Variants in FKBP8 observed in about 807,000 individuals in gnomAD.
FKBP8 encodes the protein peptidyl-prolyl cis-trans isomerase FKBP8.
In FKBP8, 5 loss-of-function variants were observed where a neutral mutation model predicts 41.7. The ratio of observed to expected loss-of-function variants is 0.12; its 90% confidence interval spans 0.06 to 0.25. The LOEUF is 0.25. Ranked by LOEUF, FKBP8 falls within the 10% of genes least tolerant of loss-of-function variation. The pLI is 1.00. For synonymous variants in FKBP8, 279 were observed against 254.5 expected, an observed-to-expected ratio of 1.10 and a Z score of -0.92; for missense variants, 397 against 563.0, an observed-to-expected ratio of 0.71 and a Z score of 2.98.
At chr19:18,533,186 G>A in intron 7 of FKBP8, 84 bp downstream of exon 7, 1 of 1,306,246 alleles carries the variant, frequency 7.7e-7, no homozygotes, top group Admixed American at 2.3e-5. Flanking sequence ...ACACAACAGA[G>A]AGCCACAGCA....
In FKBP8 at chr19:18,541,872, T is replaced by C. The variant is rs573142562; in HGVS notation, c.99A>G (p.Ala33=). 2.3e-5 allele frequency: 37 copies of C among 1,613,606 alleles called. No homozygotes were observed. Among genetic ancestry groups the C allele is most frequent in the Non-Finnish European group, 2.8e-5 (33 of 1,179,822 alleles). ...CCTCCTCCTCTTCCTCCTCACCCTC[T>C]GCATCCTCAACCCCATCCAGTACCT... ...DFEVLDGVED[A]EGEEEEEEEE... is the part of the protein sequence containing the mutation. The change falls in exon 2 of 9, where the codon GCA becomes GCG. Residue 33 remains alanine, a synonymous_variant. Coordinates refer to ENST00000608443, the MANE Select transcript of FKBP8 (RefSeq NM_012181.5).
At chr19:18,535,633 G>A (rs1373163211) in intron 6 of FKBP8, among the ~76,000 whole-genome samples, 1 of 151,548 alleles carries the variant, frequency 6.6e-6, no homozygotes, top group Non-Finnish European at 1.5e-5. Flanking sequence ...AAGGCTGGAT[G>A]TGCTCGCTTG....
Position 18,538,459 on chromosome 19 carries a change from G to A in FKBP8, c.552-23C>T, listed in dbSNP as rs1976629346. ...CTGCTAGTTGGGTGGGAGCAGGCAGGGGCAGCACTCAGACCTGGTGACCCC... is the reference window on the plus strand; with the variant it reads ...CTGCTAGTTGGGTGGGAGCAGGCAGAGGCAGCACTCAGACCTGGTGACCCC... On this transcript the variant is annotated intron_variant, in intron 4 of 8. Transcript: ENST00000608443. This position sits in a 1 kb window ranked among gnomAD's most constrained non-coding sequence, Gnocchi z 4.0. 3 of 1,600,848 alleles carry A rather than the reference G, an allele frequency of 1.9e-6. No individual in the cohort carries two copies. The highest frequency in any genetic ancestry group is 2.7e-5 in the African/African-American group (2 of 74,866).
chr19:18,538,690 C>T lies in FKBP8; in HGVS notation c.552-254G>A, dbSNP rs564498425. On this transcript the variant is annotated intron_variant, in intron 4 of 8. Transcript: ENST00000608443. The surrounding 1 kb of genome is among the most constrained non-coding windows in gnomAD (Gnocchi z 4.0). Reference sequence around the variant, plus strand: ...AGAGACAGGTTCTCACTCTGTTGCCCGGGCTGGAGTGCAGTGGTGCAATCT... The same window carrying T: ...AGAGACAGGTTCTCACTCTGTTGCCTGGGCTGGAGTGCAGTGGTGCAATCT... Among the ~76,000 whole-genome samples, 8 of 152,182 alleles carry T rather than the reference C, an allele frequency of 5.3e-5. No homozygotes were observed. The highest frequency in any genetic ancestry group is 8.8e-5 in the Non-Finnish European group (6 of 68,032).
chr19:18,533,014 G>GT, intron 7 of FKBP8: 2 of 800,926 alleles, frequency 2.5e-6, no homozygotes, highest in Non-Finnish European at 3.8e-6. Flanking sequence ...GAGACAAAAG[G>GT]TTCTGGAAGG....
At chr19:18,534,788 A>ATTG (rs1372373227) in intron 6 of FKBP8, among the ~76,000 whole-genome samples, 35 of 147,440 alleles carry the variant, frequency 2.4e-4, no homozygotes, top group African/African-American at 8.4e-4. Flanking sequence ...TATTATTACT[A>ATTG]TTGTTATTAT....
rs1472327424 is a variant in FKBP8 at position 18,532,120 on chromosome 19, G to A, written c.*49C>T. The A allele has an allele frequency of 1.4e-5, 20 of 1,479,030 alleles. No homozygotes were observed. The highest frequency in any genetic ancestry group is 9.6e-5 in the East Asian group (4 of 41,544). 91.6% of individuals were successfully genotyped at this position (1,479,030 alleles called of 1,614,324 possible). ...AGGGAGCCTGGGGGAGTTGGGGAGC[G>A]CAGGGCAGGGTCCATGGTGTGCAGA... On this transcript the variant is annotated 3_prime_UTR_variant, in exon 9 of 9. Transcript: ENST00000608443.
In FKBP8 at chr19:18,541,965, T is replaced by A; in HGVS notation, c.6A>T (p.Ala2=). M[A]SCAEPSEPSA... ...AGGGCTCAGAGGGTTCAGCACACGATGCCATGCTGCTGGGGGGACAGGAAT... is the reference window on the plus strand; with the variant it reads ...AGGGCTCAGAGGGTTCAGCACACGAAGCCATGCTGCTGGGGGGACAGGAAT... Residue 2 remains alanine, a synonymous_variant, in exon 2 of 9, where the codon GCA becomes GCT. Transcript: ENST00000608443. The A allele has an allele frequency of 6.2e-7, 1 of 1,613,114 alleles. No individual in the cohort carries two copies.
In FKBP8 at chr19:18,532,091, G is replaced by A. The variant is rs1976461451; in HGVS notation, c.*78C>T. ...AGGGGGCCAGACCAGGGAGGGCAGT[G>A]GACAGGGAGCCTGGGGGAGTTGGGG... On this transcript the variant is annotated 3_prime_UTR_variant, in exon 9 of 9. Coordinates refer to ENST00000608443, the MANE Select transcript of FKBP8 (RefSeq NM_012181.5). 2 of 1,296,796 alleles carry A rather than the reference G, an allele frequency of 1.5e-6. No individual in the cohort carries two copies. Among genetic ancestry groups the A allele is most frequent in the Non-Finnish European group, 2.2e-6 (2 of 917,088 alleles). The allele number at this position is 1,296,796 out of a possible 1,614,324, so 80.3% of individuals were successfully genotyped here. A position where few individuals can be genotyped will look rare whatever the true frequency, so the allele number is the denominator to read the frequency against.
At chr19:18,540,306 T>G (rs6512274) in intron 2 of FKBP8, among the ~76,000 whole-genome samples, 28,002 of 152,058 alleles carry the variant, frequency 0.18, 8,152 homozygotes, top group African/African-American at 0.62. Flanking sequence ...GATGAATTTA[T>G]AAGTTAAGCA....
At chr19:18,543,107 A>G (rs1401691812) in intron 1 of FKBP8, 13 of 199,030 alleles carry the variant, frequency 6.5e-5, no homozygotes, top group Non-Finnish European at 1.2e-4. Flanking sequence ...ATAACACCCC[A>G]CGCTCTCCTG....
intron 1 of FKBP8, chr19:18,542,875 C>A (rs1359789527): frequency 7.8e-7 from 1 of 1,282,250 alleles, no homozygotes; most frequent in Non-Finnish European, 1.0e-6. Context: ...CGCATCCCCT[C>A]CCTAACCCTC....
chr19:18,541,171 G>A (rs781138506), intron 2 of FKBP8, among the ~76,000 whole-genome samples: 2 of 152,082 alleles, frequency 1.3e-5, no homozygotes, highest in Non-Finnish European at 2.9e-5. Flanking sequence ...TTTTCTTCTT[G>A]TAGGATTGCT....
intron 4 of FKBP8, among the ~76,000 whole-genome samples, chr19:18,539,134 A>AT (rs1306257936): frequency 6.6e-6 from 1 of 151,936 alleles, no homozygotes; most frequent in East Asian, 1.9e-4. Context: ...TAATTTTTAA[A>AT]TTTTTTTGTA....
At chr19:18,535,275 G>C (rs940505702) in intron 6 of FKBP8, among the ~76,000 whole-genome samples, 5 of 151,862 alleles carry the variant, frequency 3.3e-5, no homozygotes, top group African/African-American at 1.2e-4. Context: ...TGCCAAGACT[G>C]GTCTTGAATT....
At position 18,541,814 on chromosome 19, in the gene FKBP8, G is replaced by A. The variant is rs755032883; in HGVS notation, c.157C>T (p.Pro53Ser). ...GGTTGTCCCATGTCCTCCAGCGGTG[G>A]CAGCTCACTCAGGTCATCCTCTTCC... ...EEEEDDLSEL[P>S]PLEDMGQPPA... Residue 53 changes from proline to serine, a missense_variant, in exon 2 of 9, where the codon CCA (proline) becomes TCA (serine). By Grantham distance (74) the Pro-to-Ser change is moderately conservative. Around this residue, in one of 2 missense-constraint regions of FKBP8, gnomAD observed 172 missense variants for 196.2 expected, o/e 0.88. Transcript: ENST00000608443. 1.2e-6 allele frequency: 2 copies of A among 1,613,646 alleles called. No individual in the cohort carries two copies. The highest frequency in any genetic ancestry group is 2.7e-5 in the African/African-American group (2 of 75,038).
chr19:18,539,821 T>C lies in FKBP8; in HGVS notation c.293-101A>G, dbSNP rs549573082. On this transcript the variant is annotated intron_variant, in intron 2 of 8. Coordinates refer to ENST00000608443, the MANE Select transcript of FKBP8 (RefSeq NM_012181.5). ...TACCCTCAGCTCTGCCCACTAGCTGTCCAGAGGGGGCTGGCCCAACACTGG... is the reference window on the plus strand; with the variant it reads ...TACCCTCAGCTCTGCCCACTAGCTGCCCAGAGGGGGCTGGCCCAACACTGG... 81 of 1,388,136 alleles carry C rather than the reference T, an allele frequency of 5.8e-5. No individual in the cohort carries two copies. The South Asian group carries it at 9.9e-4, about 17-fold the overall frequency. 86.0% of individuals were successfully genotyped at this position (1,388,136 alleles called of 1,614,324 possible). A position where few individuals can be genotyped will look rare whatever the true frequency, so the allele number is the denominator to read the frequency against.
At position 18,538,411 on chromosome 19, in the gene FKBP8, C is replaced by G; in HGVS notation, c.577G>C (p.Ala193Pro). 6.2e-7 allele frequency: 1 copy of G among 1,612,758 alleles called. No homozygotes were observed. The highest frequency in any genetic ancestry group is 1.1e-5 in the South Asian group (1 of 91,012). The change falls in exon 5 of 9, where the codon GCG becomes CCG. Residue 193 changes from alanine to proline, a missense_variant. Around this residue, in one of 2 missense-constraint regions of FKBP8, gnomAD observed 225 missense variants for 366.8 expected, o/e 0.61. Coordinates refer to ENST00000608443, the MANE Select transcript of FKBP8 (RefSeq NM_012181.5). This position sits in a 1 kb window ranked among gnomAD's most constrained non-coding sequence, Gnocchi z 4.0. ...AGGGTCACCTCCAGGCACAGGGCCG[C>G]GTGCGGGGGGATGTATGGGCTCCTG... ...GSRSPYIPPH[A>P]ALCLEVTLKT...
At chr19:18,533,171 TG>T in intron 7 of FKBP8, 98 bp downstream of exon 7, 1 of 1,186,274 alleles carries the variant, frequency 8.4e-7, no homozygotes, top group Non-Finnish European at 1.2e-6. Context: ...ACTGCCCAGG[TG>T]GGAACACAAC....
Sources: allele counts gnomAD v4.1 joint callset (sites outside exome capture counted in the v4.1 genomes callset), GRCh38; gene constraint gnomAD v4.1.1; regional missense constraint gnomAD v4.1.1; non-coding constraint Gnocchi (gnomAD v3.1); transcripts MANE v1.5; gene names NCBI Gene and HGNC (gene_info 2026-07-23, HGNC 2026-07-21).